The following VSNL1 variants were observed in gnomAD, a reference collection of about 807,000 sequenced individuals.
VSNL1 encodes visinin-like protein 1.
VSNL1 carries 6 observed loss-of-function variants against 20.4 expected under a neutral mutation model. The observed-to-expected ratio is 0.29, with a 90% CI of 0.16 to 0.58. The LOEUF (loss-of-function observed/expected upper bound fraction) is 0.58. VSNL1 is among the 20% of genes least tolerant of loss of function. VSNL1 has a pLI of 0.90. For synonymous variants in VSNL1, 93 were observed against 86.4 expected (o/e 1.08, Z -0.42); for missense variants, 100 against 234.5 (o/e 0.43, Z 3.75).
intron 1 of VSNL1, among the ~76,000 whole-genome samples, chr2:17,566,018 T>A (rs941985534): frequency 4.6e-5 from 7 of 152,178 alleles, no homozygotes; most frequent in African/African-American, 1.7e-4. Flanking sequence ...TCCTGAGGCC[T>A]CCCCAGCCAT....
intron 2 of VSNL1, among the ~76,000 whole-genome samples, chr2:17,621,564 T>G (rs1483941801): frequency 6.6e-6 from 1 of 152,208 alleles, no homozygotes; most frequent in Non-Finnish European, 1.5e-5. Context: ...CCTCAAGTTA[T>G]CTGCCCGCCT....
chr2:17,648,150 A>G (rs1311701319), intron 2 of VSNL1, among the ~76,000 whole-genome samples: 1 of 152,222 alleles, frequency 6.6e-6, no homozygotes, highest in Admixed American at 6.5e-5. Context: ...ACCAAAATAT[A>G]AGTAATGGGT....
At chr2:17,644,643 GTTAC>G (rs1186023915) in intron 2 of VSNL1, among the ~76,000 whole-genome samples, 16 of 152,326 alleles carry the variant, frequency 1.1e-4, no homozygotes, top group African/African-American at 3.4e-4. Flanking sequence ...CCTCATGCCA[GTTAC>G]TTACCCCAGA....
intron 2 of VSNL1, among the ~76,000 whole-genome samples, chr2:17,633,030 G>T (rs894938787): frequency 1.3e-5 from 2 of 152,186 alleles, no homozygotes; most frequent in African/African-American, 4.8e-5. Context: ...ACCTGAGGCT[G>T]GGTAATTTAC....
chr2:17,571,415 A>C (rs1417418998), intron 1 of VSNL1, among the ~76,000 whole-genome samples: 1 of 152,206 alleles, frequency 6.6e-6, no homozygotes, highest in Non-Finnish European at 1.5e-5. Flanking sequence ...GCTCATGAGC[A>C]GGCAAGGTAG....
chr2:17,622,852 C>A (rs1176295238), intron 2 of VSNL1, among the ~76,000 whole-genome samples: 1 of 152,194 alleles, frequency 6.6e-6, no homozygotes, highest in African/African-American at 2.4e-5. Flanking sequence ...CAGGAGAGGC[C>A]AGGCTCCTCC....
chr2:17,587,977 C>T (rs1011824893), intron 1 of VSNL1, among the ~76,000 whole-genome samples: 1 of 152,174 alleles, frequency 6.6e-6, no homozygotes, highest in African/African-American at 2.4e-5. Flanking sequence ...CTGTGCTTTC[C>T]TCCACAAGGG....
intron 2 of VSNL1, among the ~76,000 whole-genome samples, chr2:17,598,670 T>C (rs890194280): frequency 6.6e-6 from 1 of 152,226 alleles, no homozygotes; most frequent in African/African-American, 2.4e-5. Context: ...ATATAAACTC[T>C]CTTGGGGTAG....
At chr2:17,553,572 C>T (rs1663599875) in intron 1 of VSNL1, among the ~76,000 whole-genome samples, 1 of 151,986 alleles carries the variant, frequency 6.6e-6, no homozygotes, top group Non-Finnish European at 1.5e-5. Context: ...AAGTCTGGTT[C>T]TTAGGGTGTA....
chr2:17,594,479 G>A (rs143866605), intron 2 of VSNL1, among the ~76,000 whole-genome samples: 1 of 152,366 alleles, frequency 6.6e-6, no homozygotes, highest in East Asian at 1.9e-4. Context: ...TGTGGATTAT[G>A]TAATAGGCCC....
intron 1 of VSNL1, among the ~76,000 whole-genome samples, chr2:17,565,323 G>T (rs1001205968): frequency 1.6e-4 from 25 of 152,092 alleles, no homozygotes; most frequent in African/African-American, 5.8e-4. Context: ...CTACCCAGAA[G>T]TTATGAATAT....
intron 2 of VSNL1, among the ~76,000 whole-genome samples, chr2:17,630,084 A>G (rs2103410981): frequency 6.6e-6 from 1 of 152,372 alleles, no homozygotes; most frequent in South Asian, 2.1e-4. Flanking sequence ...GCTTAATCAC[A>G]AGCAAGCAAG....
intron 1 of VSNL1, among the ~76,000 whole-genome samples, chr2:17,569,219 A>T (rs1275769909): frequency 6.6e-6 from 1 of 152,044 alleles, no homozygotes; most frequent in African/African-American, 2.4e-5. Flanking sequence ...AGGCAGGAGG[A>T]TTGCTTGAAC....
At chr2:17,579,693 A>G (rs1214299849) in intron 1 of VSNL1, among the ~76,000 whole-genome samples, 1 of 152,176 alleles carries the variant, frequency 6.6e-6, no homozygotes, top group Non-Finnish European at 1.5e-5. Flanking sequence ...GTGCTTTAGG[A>G]AAGGTGTGGT....
At chr2:17,650,807 C>T (rs1352637533) in intron 3 of VSNL1, among the ~76,000 whole-genome samples, 2 of 152,214 alleles carry the variant, frequency 1.3e-5, no homozygotes, top group East Asian at 3.8e-4. Flanking sequence ...ACTTGCACAC[C>T]CTCTCATTCC....
rs1302537966 is a variant in VSNL1, at chr2:17,587,943, G to T, written c.-5-4127G>T. 4.6e-5 allele frequency among the ~76,000 whole-genome samples: 7 copies of T among 152,218 alleles called. No homozygotes were observed. In the South Asian group the frequency reaches 6.2e-4, roughly 14 times the overall value. The stretch of plus-strand genomic sequence containing the variant: ...GTGTACAAAAGTGCCATCTTCTCTG[G>T]ACATCATTTGCCATTAAGTGAAACT... On this transcript the variant is annotated intron_variant, in intron 1 of 3. Coordinates refer to ENST00000295156, the MANE Select transcript of VSNL1 (RefSeq NM_003385.5).
At chr2:17,597,299 A>G (rs568805118) in intron 2 of VSNL1, among the ~76,000 whole-genome samples, 46 of 152,298 alleles carry the variant, frequency 3.0e-4, no homozygotes, top group Middle Eastern at 3.4e-3. Context: ...TTTCCTACCA[A>G]TCTCTCAATG....
intron 2 of VSNL1, among the ~76,000 whole-genome samples, chr2:17,627,221 G>A (rs1665532946): frequency 6.6e-6 from 1 of 152,196 alleles, no homozygotes; most frequent in Non-Finnish European, 1.5e-5. Context: ...ATAGCAATCT[G>A]TCATTGCTTC....
chr2:17,596,155 G>A lies in VSNL1; in HGVS notation c.162+3919G>A, dbSNP rs538941620. On this transcript the variant is annotated intron_variant, in intron 2 of 3. Transcript: ENST00000295156. The stretch of plus-strand genomic sequence containing the variant: ...TTATTCCTTCTCTGTTGTCACATGC[G>A]TTCTCTGTGCCCTCTACATCTGATA... Among the ~76,000 whole-genome samples, 5 of 152,174 alleles carry A rather than the reference G, an allele frequency of 3.3e-5. No homozygotes were observed. In the East Asian group the frequency reaches 5.8e-4, roughly 18 times the overall value.
Sources: allele counts gnomAD v4.1 joint callset (sites outside exome capture counted in the v4.1 genomes callset), GRCh38; gene constraint gnomAD v4.1.1; transcripts MANE v1.5; gene names NCBI Gene and HGNC (gene_info 2026-07-23, HGNC 2026-07-21).